Variants in TASOR2 observed in about 807,000 individuals in gnomAD.
The protein encoded by TASOR2 is transcription activation suppressor family member 2.
TASOR2 carries 84 observed loss-of-function variants against 199.5 expected under a neutral mutation model. The ratio of observed to expected loss-of-function variants is 0.42; its 90% CI spans 0.35 to 0.50. The LOEUF (loss-of-function observed/expected upper bound fraction) is 0.50, where lower values mean the gene tolerates loss of function less well. Ranked by LOEUF, TASOR2 falls within the 20% of genes least tolerant of loss-of-function variation. The pLI is 0.02. For missense variants in TASOR2, 2,796 were observed against 2,835.9 expected, an observed-to-expected ratio of 0.99 and a Z score of 0.32; for synonymous variants, 1,103 against 1,046.6, an observed-to-expected ratio of 1.05 and a Z score of -1.04.
chr10:5,759,441 TA>T (rs1417456505), intron 18 of TASOR2, among the ~76,000 whole-genome samples: 1 of 152,118 alleles, frequency 6.6e-6, no homozygotes, highest in Non-Finnish European at 1.5e-5. Flanking sequence ...CTGTAATTTA[TA>T]AAAGAAAAAA....
At position 5,747,331 on chromosome 10, in the gene TASOR2, G is replaced by C. The variant is rs754938638; in HGVS notation, c.3910G>C (p.Glu1304Gln). ...AGAAGAAATGCCAGCTGGTGAAATA[G>C]AGCAATTTGAGGAGGCCCCATTCTC... The change falls in exon 15 of 21, where the codon GAG becomes CAG. Residue 1304 changes from glutamate to glutamine, a missense_variant. Glu to Gln is a conservative substitution (Grantham distance 29, BLOSUM62 2). Around this residue, in one of 3 missense-constraint regions of TASOR2, gnomAD observed 1,941 missense variants for 1,924.9 expected, o/e 1.01. Coordinates refer to ENST00000328090, the Ensembl canonical transcript of TASOR2. 3 of 1,614,130 alleles carry C rather than the reference G, an allele frequency of 1.9e-6. No individual in the cohort carries two copies. Among genetic ancestry groups the C allele is most frequent in the East Asian group, 2.2e-5 (1 of 44,888 alleles).
At chr10:5,763,497 C>T (rs1357572835) in exon 21 of TASOR2, 1 of 152,898 alleles carries the variant, frequency 6.5e-6, no homozygotes, top group East Asian at 1.9e-4. Flanking sequence ...CTACATAAAA[C>T]ATTTTTTCCT....
intron 7 of TASOR2, 29 bp from the exon 9 acceptor site, chr10:5,724,401 A>G (rs760393686): frequency 8.3e-7 from 1 of 1,206,798 alleles, no homozygotes; most frequent in Non-Finnish European, 1.2e-6. Context: ...TATTAAAAAT[A>G]AGAAATGTTT....
At chr10:5,745,792 T>A (rs866503060) in intron 14 of TASOR2, among the ~76,000 whole-genome samples, 1 of 151,918 alleles carries the variant, frequency 6.6e-6, no homozygotes, top group African/African-American at 2.4e-5. Flanking sequence ...AAAAAAAAAA[T>A]TAATCTCATT....
At position 5,740,249 on chromosome 10, in the gene TASOR2, G is replaced by T; in HGVS notation, c.2079G>T (p.Gly693=). The change falls in exon 13 of 21, where the codon GGG becomes GGT. Residue 693 remains glycine (G), a synonymous_variant. Transcript: ENST00000328090. The surrounding 1 kb of genome is among the most constrained non-coding windows in gnomAD (Gnocchi z 5.3). ...GCCCTGAAGCAGCAACCCCAGTGGGGAAAGTCATGCCATTTCGGCATCAGC... is the reference window on the plus strand; with the variant it reads ...GCCCTGAAGCAGCAACCCCAGTGGGTAAAGTCATGCCATTTCGGCATCAGC... The T allele has an allele frequency of 6.2e-7, 1 of 1,614,190 alleles. No homozygotes were observed. Among genetic ancestry groups the T allele is most frequent in the South Asian group, 1.1e-5 (1 of 91,088 alleles).
chr10:5,691,955 A>G (rs1292062189), intron 1 of TASOR2, among the ~76,000 whole-genome samples: 1 of 152,142 alleles, frequency 6.6e-6, no homozygotes, highest in African/African-American at 2.4e-5. Flanking sequence ...AGGCGGGCTG[A>G]TCAGTTGAGG....
At chr10:5,721,993 G>A (rs1253304782) in intron 6 of TASOR2, among the ~76,000 whole-genome samples, 2 of 152,224 alleles carry the variant, frequency 1.3e-5, no homozygotes, top group African/African-American at 4.8e-5. Flanking sequence ...CTAAAGAGAC[G>A]TGATTACTGA....
chr10:5,701,762 C>T lies in TASOR2; in HGVS notation c.-287-11061C>T, dbSNP rs1057151666. ...CTTTCTTGATTTCTTTTTCAGATTG[C>T]TTGCAGTTGGTGTATACCAACGCTA... On this transcript the variant is annotated intron_variant, in intron 1 of 20. Coordinates refer to ENST00000328090, the Ensembl canonical transcript of TASOR2. This position sits in a 1 kb window ranked among gnomAD's most constrained non-coding sequence, Gnocchi z 4.9. 2.0e-5 allele frequency among the ~76,000 whole-genome samples: 3 copies of T among 152,074 alleles called. No individual in the cohort carries two copies. Among genetic ancestry groups the T allele is most frequent in the African/African-American group, 7.2e-5 (3 of 41,414 alleles).
chr10:5,759,584 C>G (rs559552666), intron 18 of TASOR2, among the ~76,000 whole-genome samples: 109 of 152,324 alleles, frequency 7.2e-4, no homozygotes, highest in African/African-American at 2.4e-3. Context: ...CTGTTAGGTG[C>G]ATCCATTTTC....
At chr10:5,749,736 G>C (rs1270344175) in exon 15 of TASOR2, 1 of 1,614,170 alleles carries the variant, frequency 6.2e-7, no homozygotes, top group Non-Finnish European at 8.5e-7. Flanking sequence ...AGGAATCTCG[G>C]AATGATATTT....
rs539536289 is a variant in TASOR2, at chr10:5,744,717, C to T, written c.2758-1462C>T. Among the ~76,000 whole-genome samples the T allele has an allele frequency of 1.0e-3, 155 of 152,142 alleles. 1 individual carries two copies. The highest frequency in any genetic ancestry group is 3.5e-3 in the African/African-American group (146 of 41,504). On this transcript the variant is annotated intron_variant, in intron 14 of 20. Coordinates refer to ENST00000328090, the Ensembl canonical transcript of TASOR2. ...TTGGTTTTTTTGAGACTGCAGCCTCCGCCTCCCGGGTTCAAGTGACTCTGC... is the reference window on the plus strand; with the variant it reads ...TTGGTTTTTTTGAGACTGCAGCCTCTGCCTCCCGGGTTCAAGTGACTCTGC...
Position 5,756,600 on chromosome 10 carries a change from G to A in TASOR2, c.6607-13G>A. 6.2e-7 allele frequency: 1 copy of A among 1,609,652 alleles called. No homozygotes were observed. Among genetic ancestry groups the A allele is most frequent in the Admixed American group, 1.7e-5 (1 of 59,366 alleles). ...ACCCTTTTTTTAATAATGGCTATTTGTAAATCTTTCAGAACCTTCTGAGGA... is the reference window on the plus strand; with the variant it reads ...ACCCTTTTTTTAATAATGGCTATTTATAAATCTTTCAGAACCTTCTGAGGA... On this transcript the variant is annotated splice_polypyrimidine_tract_variant and intron_variant, in intron 15 of 20. Coordinates refer to ENST00000328090, the Ensembl canonical transcript of TASOR2.
exon 12 of TASOR2, chr10:5,735,528 A>G (rs1835447131): frequency 1.2e-6 from 2 of 1,613,706 alleles, no homozygotes; most frequent in African/African-American, 1.3e-5. Flanking sequence ...CCCCAGAAAC[A>G]GAAAGCAGCT....
chr10:5,752,382 A>G lies in TASOR2; in HGVS notation c.6606+2355A>G. ...TGCTGCAGCACAGAAAGCAGAGCATAGGGGCCTGCAGGCCGCGTGCAAAAC... is the reference window on the plus strand; with the variant it reads ...TGCTGCAGCACAGAAAGCAGAGCATGGGGGCCTGCAGGCCGCGTGCAAAAC... On this transcript the variant is annotated intron_variant, in intron 15 of 20. Coordinates refer to ENST00000328090, the Ensembl canonical transcript of TASOR2. This position sits in a 1 kb window ranked among gnomAD's most constrained non-coding sequence, Gnocchi z 4.4. 6.6e-6 allele frequency among the ~76,000 whole-genome samples: 1 copy of G among 152,168 alleles called. No homozygotes were observed. Among genetic ancestry groups the G allele is most frequent in the East Asian group, 1.9e-4 (1 of 5,188 alleles).
At chr10:5,688,924 G>A (rs1836106489) in intron 1 of TASOR2, among the ~76,000 whole-genome samples, 1 of 151,938 alleles carries the variant, frequency 6.6e-6, no homozygotes, top group Non-Finnish European at 1.5e-5. Flanking sequence ...GATTGCTTGA[G>A]CCCAGAAGGT....
chr10:5,742,353 C>T lies in TASOR2; in HGVS notation c.2584C>T (p.His862Tyr), dbSNP rs1836556203. Residue 862 changes from histidine (H) to tyrosine (Y), a missense_variant, in exon 14 of 21, where the codon CAT becomes TAT. Physicochemically the swap from His to Tyr is moderately conservative, Grantham distance 83. Transcript: ENST00000328090. This position sits in a 1 kb window ranked among gnomAD's most constrained non-coding sequence, Gnocchi z 4.2. ...GGAGACTAACGAAATTTCCAGGGCT[C>T]ATGCTGCTGAAGTATCCTTCCGTGA... The T allele has an allele frequency of 6.2e-7, 1 of 1,614,144 alleles. No homozygotes were observed. The highest frequency in any genetic ancestry group is 1.1e-5 in the South Asian group (1 of 91,078).
At position 5,730,886 on chromosome 10, in the gene TASOR2, A is replaced by G; in HGVS notation, c.887A>G (p.Asp296Gly). The G allele has an allele frequency of 6.2e-7, 1 of 1,614,190 alleles. No individual in the cohort carries two copies. Among genetic ancestry groups the G allele is most frequent in the Non-Finnish European group, 8.5e-7 (1 of 1,180,042 alleles). Reference sequence around the variant, plus strand: ...CCTTGTGTTTCAGACGGAATTTGTGATGCTGGATTTTCCTTAGTTATGACT... The same window carrying G: ...CCTTGTGTTTCAGACGGAATTTGTGGTGCTGGATTTTCCTTAGTTATGACT... The change falls in exon 11 of 21, where the codon GAT (aspartate) becomes GGT (glycine). Residue 296 changes from aspartate to glycine, a missense_variant. By Grantham distance (94) the Asp-to-Gly change is moderately conservative. Around this residue, in one of 3 missense-constraint regions of TASOR2, gnomAD observed 847 missense variants for 887.4 expected, o/e 0.95. Coordinates refer to ENST00000328090, the Ensembl canonical transcript of TASOR2. This position sits in a 1 kb window ranked among gnomAD's most constrained non-coding sequence, Gnocchi z 4.1.
Position 5,724,543 on chromosome 10 carries a change from A to G in TASOR2, c.351+10A>G. ...TAAAAACAAGCAATTGGTAAGCATC[A>G]CTAATTTAAAATATAATTATTATGT... On this transcript the variant is annotated intron_variant, in intron 8 of 20. Transcript: ENST00000328090. 8.1e-7 allele frequency: 1 copy of G among 1,237,240 alleles called. No individual in the cohort carries two copies. The highest frequency in any genetic ancestry group is 1.1e-6 in the Non-Finnish European group (1 of 929,640). The allele number at this position is 1,237,240 out of a possible 1,614,324, so 76.6% of individuals were successfully genotyped here. A position where few individuals can be genotyped will look rare whatever the true frequency, so the allele number is the denominator to read the frequency against.
Position 5,710,180 on chromosome 10 carries a change from T to C in TASOR2, c.-287-2643T>C, listed in dbSNP as rs1831732229. Among the ~76,000 whole-genome samples the C allele has an allele frequency of 6.6e-6, 1 of 152,094 alleles. No homozygotes were observed. Among genetic ancestry groups the C allele is most frequent in the African/African-American group, 2.4e-5 (1 of 41,416 alleles). On this transcript the variant is annotated intron_variant, in intron 1 of 20. Coordinates refer to ENST00000328090, the Ensembl canonical transcript of TASOR2. The surrounding 1 kb of genome is among the most constrained non-coding windows in gnomAD (Gnocchi z 4.6). Reference sequence around the variant, plus strand: ...GAAGGGAGAGCGTCAAATTTCTAGATGAAATTTTCATCTGTCTCCTCATTT... The same window carrying C: ...GAAGGGAGAGCGTCAAATTTCTAGACGAAATTTTCATCTGTCTCCTCATTT...
Sources: gnomAD v4.1 joint callset for allele counts (sites outside exome capture counted in the v4.1 genomes callset) on GRCh38, gnomAD v4.1.1 for gene constraint, gnomAD v4.1.1 regional missense constraint, Gnocchi (gnomAD v3.1) non-coding constraint, MANE v1.5 for transcripts, NCBI Gene and HGNC (gene_info 2026-07-23, HGNC 2026-07-21) for gene names.